NCAPD2: variants seen among roughly 807,000 people sequenced by gnomAD.
The protein encoded by NCAPD2 is non-SMC condensin I complex subunit D2.
NCAPD2 carries 100 observed loss-of-function variants against 164.5 expected under a neutral mutation model. The ratio of observed to expected loss-of-function variants is 0.61; its 90% confidence interval spans 0.52 to 0.72. The LOEUF (loss-of-function observed/expected upper bound fraction) is 0.72, where lower values mean the gene tolerates loss of function less well. Among genes scored for constraint, NCAPD2 ranks in the 30% least tolerant of loss-of-function variants. NCAPD2 has a pLI of 0.00. For synonymous variants in NCAPD2, 585 were observed against 642.6 expected (o/e 0.91, Z 1.36); for missense variants, 1,560 against 1,749.2 (o/e 0.89, Z 1.93).
At chr12:6,527,636 CT>C (rs1946328941) in intron 22 of NCAPD2, 140 bp from the exon 23 acceptor site, 2 of 779,354 alleles carry the variant, frequency 2.6e-6, no homozygotes, top group South Asian at 3.5e-5. Context: ...AATCCTTTCT[CT>C]TTACAGACAC....
chr12:6,522,719 A>G (rs894949427), intron 15 of NCAPD2, 109 bp from the exon 16 acceptor site: 1 of 1,229,504 alleles, frequency 8.1e-7, no homozygotes, highest in Non-Finnish European at 1.2e-6. Context: ...TCTCAGGGAA[A>G]ATGCGGAAGG....
At position 6,523,274 on chromosome 12, in the gene NCAPD2, G is replaced by A. The variant is rs777619239; in HGVS notation, c.2142G>A (p.Gln714=). ...GCTGTTCCCACAGAGCCAAGGCCCA[G>A]GCTTTGATTCAGAATCTCTCTCTGC... The part of the protein sequence containing the change: ...PKGDSARAKA[Q]ALIQNLSLLL... Residue 714 remains glutamine, a synonymous_variant, in exon 17 of 32, where the codon CAG becomes CAA. Coordinates refer to ENST00000315579, the MANE Select transcript of NCAPD2 (RefSeq NM_014865.4). The A allele has an allele frequency of 6.2e-7, 1 of 1,614,166 alleles. No homozygotes were observed. Among genetic ancestry groups the A allele is most frequent in the East Asian group, 2.2e-5 (1 of 44,894 alleles).
Position 6,510,805 on chromosome 12 carries a change from G to A in NCAPD2, c.439G>A (p.Gly147Arg). The change falls in exon 5 of 32, where the codon GGG becomes AGG. Residue 147 changes from glycine to arginine, a missense_variant. Physicochemically the swap from Gly to Arg is moderately radical, Grantham distance 125. Coordinates refer to ENST00000315579, the MANE Select transcript of NCAPD2 (RefSeq NM_014865.4). ...QTNLVDLDLG[G>R]KGKKARTKAA... is the part of the protein sequence containing the mutation. ...AAACCTTGTGGACCTGGACCTTGGT[G>A]GGAAGGTAATTTGGAGTTTTGGGCT... 1 of 1,613,938 alleles carries A rather than the reference G, an allele frequency of 6.2e-7. No homozygotes were observed. The highest frequency in any genetic ancestry group is 8.5e-7 in the Non-Finnish European group (1 of 1,179,942).
At chr12:6,526,642 C>A in intron 21 of NCAPD2, 27 bp downstream of exon 21, 1 of 1,602,154 alleles carries the variant, frequency 6.2e-7, no homozygotes, top group African/African-American at 1.3e-5. Flanking sequence ...TGACCCACTG[C>A]GGCAGCCAGC....
chr12:6,501,579 G>A (rs1946037641), intron 2 of NCAPD2, among the ~76,000 whole-genome samples: 1 of 152,142 alleles, frequency 6.6e-6, no homozygotes, highest in South Asian at 2.1e-4. Context: ...TTAGATTGTT[G>A]GTTATGTGAG....
chr12:6,500,582 C>T (rs1310992472), intron 2 of NCAPD2, among the ~76,000 whole-genome samples: 1 of 152,186 alleles, frequency 6.6e-6, no homozygotes, highest in East Asian at 1.9e-4. Context: ...ATCAGGATCT[C>T]ATGATCTGGG....
intron 6 of NCAPD2, among the ~76,000 whole-genome samples, chr12:6,512,716 C>T (rs573729760): frequency 9.9e-5 from 15 of 152,254 alleles, no homozygotes; most frequent in South Asian, 4.1e-4. Flanking sequence ...GTATTGAAAT[C>T]GACTATGGAG....
intron 2 of NCAPD2, among the ~76,000 whole-genome samples, chr12:6,497,852 G>C (rs7310211): frequency 0.57 from 87,024 of 151,600 alleles, 26,026 homozygotes; most frequent in African/African-American, 0.74. Flanking sequence ...CTCCTGACCT[G>C]ATGATCCACC....
intron 22 of NCAPD2, among the ~76,000 whole-genome samples, chr12:6,527,466 G>T (rs1177325788): frequency 6.6e-6 from 1 of 152,208 alleles, no homozygotes; most frequent in African/African-American, 2.4e-5. Flanking sequence ...TTGCAGCGCT[G>T]GAGAAAAGTC....
Position 6,514,595 on chromosome 12 carries a change from T to G in NCAPD2, c.839+8T>G, listed in dbSNP as rs1407664421. On this transcript the variant is annotated splice_region_variant and intron_variant, in intron 8 of 31. Transcript: ENST00000315579. The stretch of plus-strand genomic sequence containing the variant: ...AGTGGGAGAGATTGTAAGGTGACTC[T>G]TCCTTCTCGAAGTTTCTCATGCTTA... 1 of 1,614,110 alleles carries G rather than the reference T, an allele frequency of 6.2e-7. No individual in the cohort carries two copies. The highest frequency in any genetic ancestry group is 2.2e-5 in the East Asian group (1 of 44,888).
chr12:6,495,286 G>T, intron 2 of NCAPD2, 61 bp downstream of exon 2: 3 of 1,580,406 alleles, frequency 1.9e-6, no homozygotes, highest in Non-Finnish European at 1.7e-6. Flanking sequence ...ACATGGAATT[G>T]CTACATTGTC....
rs1252381422 is a variant in NCAPD2 at position 6,526,464 on chromosome 12, C to A, written c.2583C>A (p.Asp861Glu). 6.2e-7 allele frequency: 1 copy of A among 1,614,078 alleles called. No homozygotes were observed. Among genetic ancestry groups the A allele is most frequent in the Non-Finnish European group, 8.5e-7 (1 of 1,180,040 alleles). ...ETVTKGFVHP[D>E]PLWIPFKEVA... ...CCTCTGCAGGCTTTGTCCACCCAGA[C>A]CCACTCTGGATCCCATTCAAAGAGG... The change falls in exon 21 of 32, where the codon GAC (aspartate) becomes GAA (glutamate). Residue 861 changes from aspartate (D) to glutamate (E), a missense_variant. Asp to Glu is a conservative substitution (Grantham distance 45). Transcript: ENST00000315579.
chr12:6,503,333 C>T (rs1946056639), intron 2 of NCAPD2, among the ~76,000 whole-genome samples: 1 of 152,018 alleles, frequency 6.6e-6, no homozygotes, highest in Non-Finnish European at 1.5e-5. Flanking sequence ...AATTTATTGG[C>T]TCACATTTTT....
intron 2 of NCAPD2, among the ~76,000 whole-genome samples, chr12:6,502,483 G>C (rs759584219): frequency 2.0e-5 from 3 of 152,194 alleles, no homozygotes; most frequent in Non-Finnish European, 2.9e-5. Context: ...AGACTAGTCA[G>C]CTTGTTTCTG....
At chr12:6,529,714 G>A (rs1946353603) in intron 28 of NCAPD2, 61 bp from the exon 29 acceptor site, 1 of 1,601,964 alleles carries the variant, frequency 6.2e-7, no homozygotes. Context: ...GGCTGATGGG[G>A]AAGGTTGAGC....
intron 3 of NCAPD2, 137 bp downstream of exon 3, chr12:6,509,929 T>G: frequency 1.6e-6 from 2 of 1,249,464 alleles, no homozygotes; most frequent in Non-Finnish European, 2.3e-6. Context: ...CTGATGAGCA[T>G]GTACCCAGCT....
rs746802107 is a variant in NCAPD2, at chr12:6,517,622, A to C, written c.1347A>C (p.Pro449=). 3 of 1,614,238 alleles carry C rather than the reference A, an allele frequency of 1.9e-6. No homozygotes were observed. The highest frequency in any genetic ancestry group is 2.5e-6 in the Non-Finnish European group (3 of 1,180,044). The change falls in exon 12 of 32, where the codon CCA becomes CCC. Residue 449 remains proline (P), a synonymous_variant. Transcript: ENST00000315579. Reference sequence around the variant, plus strand: ...TTAGTGATGCTGACCTTGCCGGACCACTGCAGAAGGAGACCCAGAAATTAC... The same window carrying C: ...TTAGTGATGCTGACCTTGCCGGACCCCTGCAGAAGGAGACCCAGAAATTAC... ...CKLSDADLAG[P]LQKETQKLQE...
At position 6,524,709 on chromosome 12, in the gene NCAPD2, A is replaced by C. The variant is rs118172058; in HGVS notation, c.2215-874A>C. ...AATAAAGTTGTGAATGTAGGTTGGA[A>C]CTAAACTGTGGAAGTCCCTGAATGA... On this transcript the variant is annotated intron_variant, in intron 17 of 31. Transcript: ENST00000315579. Among the ~76,000 whole-genome samples, 780 of 152,102 alleles carry C rather than the reference A, an allele frequency of 5.1e-3. 18 individuals are homozygous for C. In the East Asian group the frequency reaches 0.059, roughly 11 times the overall value.
chr12:6,526,614 G>C lies in NCAPD2; in HGVS notation c.2733G>C (p.Pro911=). ...AGAAGAGAACCAGTCAGGAGGACCCGAGTAAGTGGGCAGGGGTTGACCCAC... is the reference window on the plus strand; with the variant it reads ...AGAAGAGAACCAGTCAGGAGGACCCCAGTAAGTGGGCAGGGGTTGACCCAC... ...LEEKRTSQED[P]KESPAMLPTF... Residue 911 remains proline (P), a splice_region_variant and synonymous_variant, in exon 21 of 32, where the codon CCG becomes CCC. Coordinates refer to ENST00000315579, the MANE Select transcript of NCAPD2 (RefSeq NM_014865.4). 6.2e-7 allele frequency: 1 copy of C among 1,612,534 alleles called. No homozygotes were observed. The highest frequency in any genetic ancestry group is 8.5e-7 in the Non-Finnish European group (1 of 1,178,840).
Sources: allele counts gnomAD v4.1 joint callset (sites outside exome capture counted in the v4.1 genomes callset), GRCh38; gene constraint gnomAD v4.1.1; transcripts MANE v1.5; gene names NCBI Gene and HGNC (gene_info 2026-07-23, HGNC 2026-07-21).